TBC1D22A: variants seen among roughly 807,000 people sequenced by gnomAD.
TBC1D22A encodes the protein TBC1 domain family member 22A, also known as putative GTPase activator.
TBC1D22A carries 38 observed loss-of-function variants against 60.2 expected under a neutral mutation model. The observed-to-expected ratio is 0.63, with a 90% CI of 0.49 to 0.83. TBC1D22A has a LOEUF of 0.83. TBC1D22A is among the 40% of genes least tolerant of loss of function. The probability of loss-of-function intolerance (pLI) is 0.00; values close to 1 mark genes in which losing one functional copy is unlikely to be tolerated. For synonymous variants in TBC1D22A, 302 were observed against 281.7 expected, an observed-to-expected ratio of 1.07 and a Z score of -0.72; for missense variants, 628 against 701.0, an observed-to-expected ratio of 0.90 and a Z score of 1.18.
intron 7 of TBC1D22A, among the ~76,000 whole-genome samples, chr22:46,907,024 T>G (rs1252610285): frequency 1.3e-5 from 2 of 152,008 alleles, no homozygotes; most frequent in Non-Finnish European, 2.9e-5. Context: ...GTGTGCACGC[T>G]TCGTATGTGT....
chr22:46,895,163 A>G (rs2068608972), intron 7 of TBC1D22A, among the ~76,000 whole-genome samples: 1 of 151,970 alleles, frequency 6.6e-6, no homozygotes, highest in Non-Finnish European at 1.5e-5. Context: ...CATGGCCTTG[A>G]CCTCAGGCCT....
intron 3 of TBC1D22A, 62 bp from the exon 4 acceptor site, chr22:46,797,382 A>C (rs2084699647): frequency 6.3e-7 from 1 of 1,584,146 alleles, no homozygotes; most frequent in African/African-American, 1.4e-5. Flanking sequence ...TGGCACAGCA[A>C]GGAGGAACGT....
intron 6 of TBC1D22A, among the ~76,000 whole-genome samples, chr22:46,893,755 G>A (rs1442793012): frequency 1.3e-5 from 2 of 152,248 alleles, no homozygotes; most frequent in Non-Finnish European, 2.9e-5. Context: ...GAGTAGTGCT[G>A]CTTCTGCCTC....
At chr22:47,056,728 A>G (rs951237179) in intron 11 of TBC1D22A, among the ~76,000 whole-genome samples, 1 of 152,194 alleles carries the variant, frequency 6.6e-6, no homozygotes, top group African/African-American at 2.4e-5. Context: ...ACATGGTCCT[A>G]TGACAGGGGA....
At chr22:47,026,297 G>A (rs2062255915) in intron 10 of TBC1D22A, among the ~76,000 whole-genome samples, 1 of 152,218 alleles carries the variant, frequency 6.6e-6, no homozygotes, top group African/African-American at 2.4e-5. Context: ...GGGTGTCAAT[G>A]GAAAGCTTTC....
At chr22:46,901,720 G>A (rs1400232624) in intron 7 of TBC1D22A, among the ~76,000 whole-genome samples, 1 of 151,830 alleles carries the variant, frequency 6.6e-6, no homozygotes, top group Non-Finnish European at 1.5e-5. Flanking sequence ...GGGGGGGGAT[G>A]TTCCTTGAAT....
chr22:47,047,415 C>T (rs965032639), intron 11 of TBC1D22A, among the ~76,000 whole-genome samples: 7 of 152,176 alleles, frequency 4.6e-5, no homozygotes, highest in Non-Finnish European at 8.8e-5. Context: ...TGCAGGGCAG[C>T]GTGCTGGGCG....
intron 4 of TBC1D22A, among the ~76,000 whole-genome samples, chr22:46,876,253 C>T (rs979244465): frequency 6.6e-6 from 1 of 152,192 alleles, no homozygotes; most frequent in African/African-American, 2.4e-5. Context: ...ATTGTATCTA[C>T]AGATTGTTCC....
At chr22:46,828,437 C>T (rs2086165442) in intron 4 of TBC1D22A, among the ~76,000 whole-genome samples, 1 of 152,260 alleles carries the variant, frequency 6.6e-6, no homozygotes, top group South Asian at 2.1e-4. Flanking sequence ...ATGTTTGTCA[C>T]TGTGAGATGT....
intron 12 of TBC1D22A, among the ~76,000 whole-genome samples, chr22:47,157,755 G>A (rs1368973696): frequency 6.6e-6 from 1 of 152,216 alleles, no homozygotes; most frequent in East Asian, 1.9e-4. Context: ...CCCAAGGGCT[G>A]GGTAGGGCCG....
chr22:47,015,181 C>T (rs527780145), intron 10 of TBC1D22A, among the ~76,000 whole-genome samples: 2 of 152,270 alleles, frequency 1.3e-5, no homozygotes, highest in East Asian at 1.9e-4. Flanking sequence ...AGTGTGTGAC[C>T]GGACATGGTG....
At chr22:47,039,389 A>G (rs2062760996) in intron 11 of TBC1D22A, among the ~76,000 whole-genome samples, 1 of 152,184 alleles carries the variant, frequency 6.6e-6, no homozygotes, top group Non-Finnish European at 1.5e-5. Flanking sequence ...ATCATAGGAA[A>G]GCAATCGGGT....
At chr22:47,014,742 G>T (rs1404818613) in intron 10 of TBC1D22A, among the ~76,000 whole-genome samples, 2 of 151,630 alleles carry the variant, frequency 1.3e-5, no homozygotes, top group African/African-American at 4.8e-5. Flanking sequence ...CTCTGGACCT[G>T]TTGCCTGCTG....
At chr22:46,806,873 A>G (rs898504827) in intron 4 of TBC1D22A, among the ~76,000 whole-genome samples, 5 of 152,198 alleles carry the variant, frequency 3.3e-5, no homozygotes, top group African/African-American at 1.2e-4. Flanking sequence ...CTGAGTAGCT[A>G]CAATTATGGA....
intron 4 of TBC1D22A, among the ~76,000 whole-genome samples, chr22:46,821,280 G>A (rs2085818606): frequency 6.6e-6 from 1 of 152,134 alleles, no homozygotes; most frequent in South Asian, 2.1e-4. Context: ...CTGTCATCAT[G>A]ATGCTATCTG....
At chr22:46,996,661 CCTT>C (rs1230467614) in intron 9 of TBC1D22A, among the ~76,000 whole-genome samples, 1 of 152,216 alleles carries the variant, frequency 6.6e-6, no homozygotes, top group Non-Finnish European at 1.5e-5. Flanking sequence ...TTGAAACCCT[CCTT>C]CTGAAAATGC....
chr22:47,069,123 T>G (rs545967489), intron 11 of TBC1D22A, among the ~76,000 whole-genome samples: 158 of 152,360 alleles, frequency 1.0e-3, no homozygotes, highest in African/African-American at 3.6e-3. Flanking sequence ...TATTGTACAT[T>G]GTTAAAATAA....
chr22:47,110,379 TG>T (rs1363071488), intron 11 of TBC1D22A, among the ~76,000 whole-genome samples: 1 of 152,146 alleles, frequency 6.6e-6, no homozygotes. Flanking sequence ...CTCGGGAGAC[TG>T]AGACAGGAAC....
chr22:47,091,422 T>C, intron 11 of TBC1D22A, among the ~76,000 whole-genome samples: 1 of 146,434 alleles, frequency 6.8e-6, no homozygotes, highest in Non-Finnish European at 1.5e-5. Flanking sequence ...GGGAGTGGCC[T>C]CGCGGAGGGG....
Sources: allele counts gnomAD v4.1 joint callset (sites outside exome capture counted in the v4.1 genomes callset), GRCh38; gene constraint gnomAD v4.1.1; transcripts MANE v1.5; gene names NCBI Gene and HGNC (gene_info 2026-07-23, HGNC 2026-07-21).